CLDN19: variants seen among roughly 807,000 people sequenced by gnomAD.
CLDN19 encodes the protein claudin 19, also known as claudin-19.
In CLDN19, 19 loss-of-function variants were observed where a neutral mutation model predicts 24.5. The ratio of observed to expected loss-of-function variants is 0.78; its 90% CI spans 0.54 to 1.14. The LOEUF (loss-of-function observed/expected upper bound fraction) is 1.14, where lower values mean the gene tolerates loss of function less well. CLDN19 is among the 50% of genes most tolerant of loss of function. The pLI is 0.00. For missense variants in CLDN19, 250 were observed against 295.9 expected (o/e 0.84, Z 1.14); for synonymous variants, 117 against 129.6 (o/e 0.90, Z 0.66).
Position 42,735,102 on chromosome 1 carries a change from C to A in CLDN19, c.659G>T (p.Gly220Val), listed in dbSNP as rs1257662822. 3.1e-6 allele frequency: 5 copies of A among 1,613,316 alleles called. No homozygotes were observed. The highest frequency in any genetic ancestry group is 1.7e-5 in the Admixed American group (1 of 59,992). Residue 220 changes from glycine (G) to valine (V), a missense_variant, in exon 5 of 5, where the codon GGC (glycine) becomes GTC (valine). Physicochemically the swap from Gly to Val is moderately radical, Grantham distance 109. Coordinates refer to ENST00000296387, the MANE Select transcript of CLDN19 (RefSeq NM_148960.3). ...GACTGGACATTACACACCCAGGGGG[C>A]CCTTGGCGGAGGCGGGCAATTTAAC... ...PVVKLPASAK[G>V]PLGV
chr1:42,739,045 T>C (rs1651465179), intron 1 of CLDN19, among the ~76,000 whole-genome samples: 1 of 152,064 alleles, frequency 6.6e-6, no homozygotes. Context: ...CCTCTGCCCA[T>C]GGCAGCTGGA....
Position 42,735,015 on chromosome 1 carries a change from C to A in CLDN19, c.*71G>T. The A allele has an allele frequency of 7.7e-7, 1 of 1,292,812 alleles. No individual in the cohort carries two copies. 80.1% of individuals were successfully genotyped at this position (1,292,812 alleles called of 1,614,324 possible). ...CATGATTGGGGCTGGATGTTCACTTCTCTTTCCAAAAAAATATGAAACACA... is the reference window on the plus strand; with the variant it reads ...CATGATTGGGGCTGGATGTTCACTTATCTTTCCAAAAAAATATGAAACACA... On this transcript the variant is annotated 3_prime_UTR_variant, in exon 5 of 5. Transcript: ENST00000296387.
chr1:42,733,744 C>T lies in CLDN19; in HGVS notation c.*1342G>A, dbSNP rs1651260155. 1 of 152,304 alleles carries T rather than the reference C, an allele frequency of 6.6e-6. No homozygotes were observed. Among genetic ancestry groups the T allele is most frequent in the Admixed American group, 6.5e-5 (1 of 15,284 alleles). 9.4% of individuals were successfully genotyped at this position (152,304 alleles called of 1,614,324 possible). The stretch of plus-strand genomic sequence containing the variant: ...GGCTGGACAAGTCCCTGTTGTGCCC[C>T]GGTGGATGTGCAGCACCGGCCAGGC... On this transcript the variant is annotated 3_prime_UTR_variant, in exon 5 of 5. Coordinates refer to ENST00000296387, the MANE Select transcript of CLDN19 (RefSeq NM_148960.3).
Position 42,738,286 on chromosome 1 carries a change from C to CTA in CLDN19, c.415_416insTA (p.Trp139LeufsTer7). 1 of 1,613,914 alleles carries CTA rather than the reference C, an allele frequency of 6.2e-7. No homozygotes were observed. The highest frequency in any genetic ancestry group is 8.5e-7 in the Non-Finnish European group (1 of 1,180,034). On this transcript the variant is annotated frameshift_variant, in exon 3 of 5. Transcript: ENST00000296387. LOFTEE classifies it high-confidence loss of function. ...CTCCTGGGTCACCAGGGTGGCATAC[C>CTA]ACGAGACAGCAGTCAAAGTGCAGAG... is the stretch of plus-strand genomic sequence containing the variant.
At chr1:42,739,698 G>A in intron 1 of CLDN19, 143 bp downstream of exon 1, 1 of 751,650 alleles carries the variant, frequency 1.3e-6, no homozygotes, top group Non-Finnish European at 2.2e-6. Flanking sequence ...ACCGTCAATG[G>A]GCACAGGGCA....
intron 3 of CLDN19, 121 bp downstream of exon 3, chr1:42,738,108 C>T (rs921023337): frequency 2.2e-6 from 2 of 929,392 alleles, no homozygotes; most frequent in Admixed American, 1.8e-5. Context: ...TGGCGCCCCC[C>T]TTTAAAGCTT....
intron 2 of CLDN19, 23 bp from the exon 3 acceptor site, chr1:42,738,336 C>T (rs754260071): frequency 1.5e-5 from 25 of 1,613,528 alleles, no homozygotes; most frequent in Non-Finnish European, 2.1e-5. Flanking sequence ...CAGAGGGGCG[C>T]TCAGCTCTGC....
At chr1:42,738,625 A>T (rs778676948) in intron 1 of CLDN19, 40 bp from the exon 2 acceptor site, 2 of 1,593,632 alleles carry the variant, frequency 1.3e-6, no homozygotes, top group East Asian at 4.5e-5. Flanking sequence ...GCTGGCGGGG[A>T]TGGGGGTTGG....
chr1:42,735,517 C>T (rs1651330667), intron 4 of CLDN19: 3 of 1,415,856 alleles, frequency 2.1e-6, no homozygotes, highest in Non-Finnish European at 2.8e-6. Flanking sequence ...TGCTCTATCT[C>T]TAGGGCCCAG....
chr1:42,736,160 C>T lies in CLDN19; in HGVS notation c.474-130G>A, dbSNP rs1651364812. 7 of 635,326 alleles carry T rather than the reference C, an allele frequency of 1.1e-5. No individual in the cohort carries two copies. The South Asian group carries it at 1.2e-4, about 10-fold the overall frequency. 39.4% of individuals were successfully genotyped at this position (635,326 alleles called of 1,614,324 possible). A position where few individuals can be genotyped will look rare whatever the true frequency, so the allele number is the denominator to read the frequency against. ...GAGCCTCACAACCTCTTCCATATCT[C>T]CAGATAAATTGAGGTGAATGCTCTT... On this transcript the variant is annotated intron_variant, in intron 3 of 4. Coordinates refer to ENST00000296387, the MANE Select transcript of CLDN19 (RefSeq NM_148960.3).
rs1651329673 is a variant in CLDN19, at chr1:42,735,483, G to A, written c.627-349C>T. ...GGTTTCTGCTCACCCCAAGGACCTGGGTACTAAGGTACGTCTTGGCCACTG... is the reference window on the plus strand; with the variant it reads ...GGTTTCTGCTCACCCCAAGGACCTGAGTACTAAGGTACGTCTTGGCCACTG... On this transcript the variant is annotated intron_variant, in intron 4 of 4. Transcript: ENST00000296387. 4 of 1,412,040 alleles carry A rather than the reference G, an allele frequency of 2.8e-6. No homozygotes were observed. In the Admixed American group the frequency reaches 1.2e-4, roughly 41 times the overall value. 87.5% of individuals were successfully genotyped at this position (1,412,040 alleles called of 1,614,324 possible).
At chr1:42,736,597 G>T (rs1474868353) in intron 3 of CLDN19, among the ~76,000 whole-genome samples, 2 of 152,180 alleles carry the variant, frequency 1.3e-5, no homozygotes, top group Non-Finnish European at 2.9e-5. Flanking sequence ...CACCACTCCT[G>T]TGCCTCCCCT....
At chr1:42,736,206 C>G (rs185947086) in intron 3 of CLDN19, among the ~76,000 whole-genome samples, 176 bp from the exon 4 acceptor site, 273 of 152,286 alleles carry the variant, frequency 1.8e-3, no homozygotes, top group African/African-American at 6.1e-3. Flanking sequence ...TCCCCCCCAG[C>G]CCAGAATATC....
Position 42,735,113 on chromosome 1 carries a change from G to A in CLDN19, c.648C>T (p.Ala216=), listed in dbSNP as rs1651315070. 3.7e-6 allele frequency: 6 copies of A among 1,613,788 alleles called. No individual in the cohort carries two copies. Among genetic ancestry groups the A allele is most frequent in the Admixed American group, 1.7e-5 (1 of 59,992 alleles). The change falls in exon 5 of 5, where the codon GCC becomes GCT. Residue 216 remains alanine (A), a synonymous_variant. Transcript: ENST00000296387. The part of the protein sequence containing the change: ...AAREPVVKLP[A]SAKGPLGV Reference sequence around the variant, plus strand: ...ACACACCCAGGGGGCCCTTGGCGGAGGCGGGCAATTTAACAACTGGTCTGA... The same window carrying A: ...ACACACCCAGGGGGCCCTTGGCGGAAGCGGGCAATTTAACAACTGGTCTGA...
chr1:42,734,724 G>A lies in CLDN19; in HGVS notation c.*362C>T. On this transcript the variant is annotated 3_prime_UTR_variant, in exon 5 of 5. Coordinates refer to ENST00000296387, the MANE Select transcript of CLDN19 (RefSeq NM_148960.3). ...CCCTGGGGACTGCTCCTAGAGCTGG[G>A]CCAAGCCTCAGGGGCAGCCTCCAGG... 4.2e-6 allele frequency: 1 copy of A among 240,006 alleles called. No individual in the cohort carries two copies. Among genetic ancestry groups the A allele is most frequent in the Non-Finnish European group, 8.3e-6 (1 of 120,658 alleles). 14.9% of individuals were successfully genotyped at this position (240,006 alleles called of 1,614,324 possible). A position where few individuals can be genotyped will look rare whatever the true frequency, so the allele number is the denominator to read the frequency against.
rs371686331 is a variant in CLDN19 at position 42,735,098 on chromosome 1, G to T, written c.663C>A (p.Pro221=). 1 of 1,611,722 alleles carries T rather than the reference G, an allele frequency of 6.2e-7. No homozygotes were observed. Among genetic ancestry groups the T allele is most frequent in the Non-Finnish European group, 8.5e-7 (1 of 1,177,958 alleles). Reference sequence around the variant, plus strand: ...TGGGGACTGGACATTACACACCCAGGGGGCCCTTGGCGGAGGCGGGCAATT... The same window carrying T: ...TGGGGACTGGACATTACACACCCAGTGGGCCCTTGGCGGAGGCGGGCAATT... ...VVKLPASAKG[P]LGV Residue 221 remains proline, a synonymous_variant, in exon 5 of 5, where the codon CCC becomes CCA. Transcript: ENST00000296387.
chr1:42,739,934 C>A lies in CLDN19; in HGVS notation c.130G>T (p.Val44Leu), dbSNP rs751576939. 6 of 1,611,094 alleles carry A rather than the reference C, an allele frequency of 3.7e-6. No homozygotes were observed. In the African/African-American group the frequency reaches 4.0e-5, roughly 11 times the overall value. ...SYAGDAIITA[V>L]GLYEGLWMSC... ...ATCCAGAGCCCTTCATAGAGGCCCA[C>A]GGCAGTGATGATGGCGTCGCCTGCG... Residue 44 changes from valine (V) to leucine (L), a missense_variant, in exon 1 of 5, where the codon GTG becomes TTG. By Grantham distance (32) the Val-to-Leu change is conservative (BLOSUM62 1). Transcript: ENST00000296387.
intron 3 of CLDN19, among the ~76,000 whole-genome samples, chr1:42,736,342 T>C (rs1651371312): frequency 6.6e-6 from 1 of 152,186 alleles, no homozygotes; most frequent in African/African-American, 2.4e-5. Context: ...TGGGAGGGCC[T>C]GAGAGGTCTG....
At position 42,739,955 on chromosome 1, in the gene CLDN19, C is replaced by T. The variant is rs1442564894; in HGVS notation, c.109G>A (p.Gly37Ser). Residue 37 changes from glycine to serine, a missense_variant, in exon 1 of 5, where the codon GGC becomes AGC. Gly to Ser is a moderately conservative substitution (Grantham distance 56). Transcript: ENST00000296387. Reference sequence around the variant, plus strand: ...CCCACGGCAGTGATGATGGCGTCGCCTGCGTAGGAAGACTGCTTCCACTGT... The same window carrying T: ...CCCACGGCAGTGATGATGGCGTCGCTTGCGTAGGAAGACTGCTTCCACTGT... Reference protein sequence around the residue: ...LPQWKQSSYAGDAIITAVGLY... With the variant: ...LPQWKQSSYASDAIITAVGLY... 5 of 1,605,426 alleles carry T rather than the reference C, an allele frequency of 3.1e-6. No individual in the cohort carries two copies. Among genetic ancestry groups the T allele is most frequent in the Non-Finnish European group, 4.3e-6 (5 of 1,176,298 alleles).
Sources: allele counts gnomAD v4.1 joint callset (sites outside exome capture counted in the v4.1 genomes callset), GRCh38; gene constraint gnomAD v4.1.1; transcripts MANE v1.5; gene names NCBI Gene and HGNC (gene_info 2026-07-23, HGNC 2026-07-21).